DLG2: variants seen among roughly 807,000 people sequenced by gnomAD.
DLG2 encodes disks large homolog 2.
DLG2 carries 45 observed loss-of-function variants against 132.5 expected under a neutral mutation model. The observed-to-expected ratio is 0.34, with a 90% CI of 0.27 to 0.44. DLG2 has a LOEUF of 0.44. Ranked by LOEUF, DLG2 falls within the 20% of genes least tolerant of loss-of-function variation. The pLI, the probability that DLG2 is intolerant of heterozygous loss-of-function variation, is 1.00. For missense variants in DLG2, 1,045 were observed against 1,196.9 expected, an observed-to-expected ratio of 0.87 and a Z score of 1.87; for synonymous variants, 424 against 419.6, an observed-to-expected ratio of 1.01 and a Z score of -0.13.
At chr11:84,178,283 G>A (rs76905389) in intron 8 of DLG2, among the ~76,000 whole-genome samples, 202 of 152,248 alleles carry the variant, frequency 1.3e-3, no homozygotes, top group African/African-American at 4.7e-3. Flanking sequence ...GTCTAAGGTT[G>A]CAATACTGGC....
chr11:84,721,117 T>G (rs1031157734), intron 6 of DLG2, among the ~76,000 whole-genome samples: 1 of 151,080 alleles, frequency 6.6e-6, no homozygotes, highest in Non-Finnish European at 1.5e-5. Context: ...CACCCGAGGG[T>G]AGAAGACCTC....
intron 9 of DLG2, among the ~76,000 whole-genome samples, chr11:84,120,627 G>T (rs1367174498): frequency 1.3e-5 from 2 of 152,120 alleles, no homozygotes; most frequent in East Asian, 1.9e-4. Context: ...AATCATTTGG[G>T]TTATAAAGAT....
intron 6 of DLG2, among the ~76,000 whole-genome samples, chr11:84,674,792 C>T (rs992776748): frequency 1.3e-5 from 2 of 152,104 alleles, no homozygotes; most frequent in Admixed American, 6.6e-5. Flanking sequence ...ACTACTTTTG[C>T]GTGTGTTCAC....
At chr11:84,847,525 T>C (rs1012977636) in intron 6 of DLG2, among the ~76,000 whole-genome samples, 7 of 152,092 alleles carry the variant, frequency 4.6e-5, no homozygotes, top group Non-Finnish European at 1.5e-5. Context: ...TCAAGCACAA[T>C]CTAGAAAAAT....
At chr11:84,795,562 G>A (rs12788756) in intron 6 of DLG2, among the ~76,000 whole-genome samples, 25 of 152,036 alleles carry the variant, frequency 1.6e-4, no homozygotes, top group African/African-American at 5.8e-4. Context: ...ATCATCCTCC[G>A]CTTGTCTGTG....
intron 6 of DLG2, among the ~76,000 whole-genome samples, chr11:84,689,711 G>C (rs992402521): frequency 6.6e-6 from 1 of 151,950 alleles, no homozygotes; most frequent in Non-Finnish European, 1.5e-5. Flanking sequence ...AGCCAAAAGA[G>C]TATAAAGCAG....
intron 6 of DLG2, among the ~76,000 whole-genome samples, chr11:84,848,061 G>A (rs1302229191): frequency 6.6e-6 from 1 of 152,144 alleles, no homozygotes; most frequent in African/African-American, 2.4e-5. Context: ...AGAGGATGGA[G>A]CCAGAAGCCC....
chr11:83,851,422 C>G (rs1006840293), intron 16 of DLG2, among the ~76,000 whole-genome samples: 3 of 151,036 alleles, frequency 2.0e-5, no homozygotes, highest in South Asian at 2.1e-4. Context: ...GTCGGGAGTT[C>G]GAGACTAGCT....
chr11:85,499,664 T>C (rs1362400639), intron 3 of DLG2, among the ~76,000 whole-genome samples: 1 of 152,108 alleles, frequency 6.6e-6, no homozygotes, highest in Non-Finnish European at 1.5e-5. Context: ...TTTAGACCAA[T>C]AACCCTGATG....
At chr11:84,371,601 G>A (rs1026863413) in intron 7 of DLG2, among the ~76,000 whole-genome samples, 1 of 152,004 alleles carries the variant, frequency 6.6e-6, no homozygotes, top group Non-Finnish European at 1.5e-5. Context: ...GGTCAGAATC[G>A]ACATACTACT....
intron 3 of DLG2, among the ~76,000 whole-genome samples, chr11:85,370,762 C>T (rs568237286): frequency 1.4e-4 from 21 of 152,192 alleles, no homozygotes; most frequent in South Asian, 8.3e-4. Flanking sequence ...GGGCCCCTGA[C>T]GTGTCCAGAA....
rs867427186 is a variant in DLG2 at position 84,502,120 on chromosome 11, C to G, written c.519+32450G>C. 7.8e-5 allele frequency among the ~76,000 whole-genome samples: 6 copies of G among 76,672 alleles called. 1 individual carries two copies. The highest frequency in any genetic ancestry group is 1.5e-4 in the Non-Finnish European group (5 of 34,420). 50.3% of individuals were successfully genotyped at this position (76,672 alleles called of 152,430 possible). A position where few individuals can be genotyped will look rare whatever the true frequency, so the allele number is the denominator to read the frequency against. Reference sequence around the variant, plus strand: ...TCTTTCTCACTCTCTCTGTCTTTCTCTCTTTCTCTCTTTCTCCTTTCTTTC... The same window carrying G: ...TCTTTCTCACTCTCTCTGTCTTTCTGTCTTTCTCTCTTTCTCCTTTCTTTC... On this transcript the variant is annotated intron_variant, in intron 7 of 27. Transcript: ENST00000376104.
At chr11:85,490,857 T>TTTTCAA (rs2093542836) in intron 3 of DLG2, among the ~76,000 whole-genome samples, 1 of 152,008 alleles carries the variant, frequency 6.6e-6, no homozygotes, top group Admixed American at 6.6e-5. Flanking sequence ...AAAGAAAAAC[T>TTTTCAA]AATACCAATC....
intron 6 of DLG2, among the ~76,000 whole-genome samples, chr11:84,543,614 ATGTT>A (rs1286811709): frequency 1.3e-5 from 2 of 152,162 alleles, no homozygotes; most frequent in African/African-American, 2.4e-5. Context: ...TACTTGATAA[ATGTT>A]TGTTGAATAA....
chr11:84,280,404 G>T (rs1477737018), intron 7 of DLG2, among the ~76,000 whole-genome samples: 1 of 151,626 alleles, frequency 6.6e-6, no homozygotes, highest in Non-Finnish European at 1.5e-5. Flanking sequence ...AAATAGCTGG[G>T]ACTATAGGCG....
At chr11:85,064,689 T>C (rs1362698556) in intron 6 of DLG2, among the ~76,000 whole-genome samples, 2 of 151,758 alleles carry the variant, frequency 1.3e-5, no homozygotes, top group Non-Finnish European at 2.9e-5. Context: ...GCTTTGAAGG[T>C]ATTTTTTACA....
intron 6 of DLG2, among the ~76,000 whole-genome samples, chr11:84,581,533 T>C (rs1357498830): frequency 6.6e-6 from 1 of 152,196 alleles, no homozygotes; most frequent in Non-Finnish European, 1.5e-5. Context: ...TTTAATTTAA[T>C]TTTAAACATA....
At chr11:85,316,666 G>A (rs1272361429) in intron 3 of DLG2, among the ~76,000 whole-genome samples, 1 of 151,842 alleles carries the variant, frequency 6.6e-6, no homozygotes, top group Admixed American at 6.6e-5. Flanking sequence ...TGAAGAGAGT[G>A]ACCAGGACAA....
intron 4 of DLG2, among the ~76,000 whole-genome samples, chr11:85,280,576 C>G (rs2078163011): frequency 6.6e-6 from 1 of 151,998 alleles, no homozygotes; most frequent in Non-Finnish European, 1.5e-5. Flanking sequence ...TTCAGCCCAG[C>G]AGCTCAAGTT....
Sources: allele counts gnomAD v4.1 joint callset (sites outside exome capture counted in the v4.1 genomes callset), GRCh38; gene constraint gnomAD v4.1.1; transcripts MANE v1.5; gene names NCBI Gene and HGNC (gene_info 2026-07-23, HGNC 2026-07-21).